DNM3: variants seen among roughly 807,000 people sequenced by gnomAD.
The protein encoded by DNM3 is dynamin-3.
In DNM3, 47 loss-of-function variants were observed where a neutral mutation model predicts 101.6. The ratio of observed to expected loss-of-function variants is 0.46; its 90% CI spans 0.37 to 0.59. The LOEUF is 0.59. Among genes scored for constraint, DNM3 ranks in the 20% least tolerant of loss-of-function variants. DNM3 has a pLI of 0.00. For missense variants in DNM3, 849 were observed against 1,085.7 expected, an observed-to-expected ratio of 0.78 and a Z score of 3.06; for synonymous variants, 385 against 387.9, an observed-to-expected ratio of 0.99 and a Z score of 0.09.
intron 1 of DNM3, among the ~76,000 whole-genome samples, chr1:171,869,011 G>A (rs1204549346): frequency 6.6e-6 from 1 of 152,156 alleles, no homozygotes; most frequent in African/African-American, 2.4e-5. Context: ...TCGACCTCCT[G>A]ACCTCAGGTG....
intron 1 of DNM3, among the ~76,000 whole-genome samples, chr1:171,870,538 G>A (rs2035176509): frequency 6.6e-6 from 1 of 152,068 alleles, no homozygotes; most frequent in Admixed American, 6.6e-5. Flanking sequence ...TCTGTGTTCT[G>A]CAAAACGTTG....
chr1:171,861,748 T>C (rs2034199128), intron 1 of DNM3, among the ~76,000 whole-genome samples: 1 of 152,058 alleles, frequency 6.6e-6, no homozygotes, highest in African/African-American at 2.4e-5. Flanking sequence ...GTGAACAACA[T>C]CAAAATTAAA....
At chr1:171,985,880 G>T (rs1280195491) in intron 2 of DNM3, among the ~76,000 whole-genome samples, 1 of 152,144 alleles carries the variant, frequency 6.6e-6, no homozygotes, top group Non-Finnish European at 1.5e-5. Flanking sequence ...AGGGTGTGAG[G>T]CCCAGGAAGG....
chr1:171,967,170 G>A (rs1015274311), intron 2 of DNM3, among the ~76,000 whole-genome samples: 1 of 152,050 alleles, frequency 6.6e-6, no homozygotes, highest in African/African-American at 2.4e-5. Flanking sequence ...TAAAAAATCA[G>A]TTCTGAGTCA....
intron 20 of DNM3, among the ~76,000 whole-genome samples, chr1:172,390,445 C>CATCAGTACTG (rs1250204338): frequency 1.3e-5 from 2 of 152,172 alleles, no homozygotes; most frequent in African/African-American, 4.8e-5. Context: ...TTTTCAGCCT[C>CATCAGTACTG]ATCAGTACTG....
chr1:171,864,905 G>A (rs1450245523), intron 1 of DNM3, among the ~76,000 whole-genome samples: 2 of 151,478 alleles, frequency 1.3e-5, no homozygotes, highest in East Asian at 1.9e-4. Flanking sequence ...AATTTAGAAT[G>A]AGAATCTTTT....
At chr1:171,892,014 T>A (rs186159861) in intron 1 of DNM3, among the ~76,000 whole-genome samples, 1 of 152,342 alleles carries the variant, frequency 6.6e-6, no homozygotes, top group African/African-American at 2.4e-5. Context: ...ATTTGTTTAT[T>A]TATTCAATAA....
chr1:171,889,058 T>C (rs1291378045), intron 1 of DNM3, among the ~76,000 whole-genome samples: 1 of 152,188 alleles, frequency 6.6e-6, no homozygotes, highest in Admixed American at 6.5e-5. Flanking sequence ...CGGCACACTG[T>C]AGCCTCAACC....
intron 15 of DNM3, among the ~76,000 whole-genome samples, chr1:172,268,110 A>G (rs968917328): frequency 2.0e-5 from 3 of 152,212 alleles, no homozygotes; most frequent in African/African-American, 7.2e-5. Context: ...TGCTAGAACT[A>G]TTAAGTTCAC....
chr1:172,238,155 C>G (rs2061613102), intron 14 of DNM3, among the ~76,000 whole-genome samples: 1 of 152,160 alleles, frequency 6.6e-6, no homozygotes, highest in Admixed American at 6.6e-5. Context: ...GACAGTTCAG[C>G]AAATCTCTTT....
At chr1:171,972,221 G>GC (rs2044044972) in intron 2 of DNM3, among the ~76,000 whole-genome samples, 1 of 152,212 alleles carries the variant, frequency 6.6e-6, no homozygotes, top group African/African-American at 2.4e-5. Flanking sequence ...GCTGTGGAAG[G>GC]CGTAATACAT....
intron 15 of DNM3, among the ~76,000 whole-genome samples, chr1:172,280,656 A>G (rs1351605998): frequency 1.3e-5 from 2 of 152,316 alleles, no homozygotes; most frequent in South Asian, 2.1e-4. Flanking sequence ...TTTTACATAC[A>G]TTGTTTTATT....
At chr1:172,319,328 G>A (rs1053642347) in intron 16 of DNM3, among the ~76,000 whole-genome samples, 1 of 151,946 alleles carries the variant, frequency 6.6e-6, no homozygotes, top group Non-Finnish European at 1.5e-5. Flanking sequence ...ATAGGCATGG[G>A]CAAGGACTTC....
At chr1:172,373,630 A>AC (rs2068461141) in intron 17 of DNM3, among the ~76,000 whole-genome samples, 1 of 152,112 alleles carries the variant, frequency 6.6e-6, no homozygotes, top group African/African-American at 2.4e-5. Context: ...GCCACTTTAT[A>AC]AAATGTAGAC....
At chr1:171,854,405 G>T (rs990250524) in intron 1 of DNM3, among the ~76,000 whole-genome samples, 2 of 151,738 alleles carry the variant, frequency 1.3e-5, no homozygotes, top group African/African-American at 2.4e-5. Context: ...ACCTGTTTAT[G>T]ATTATTATTA....
intron 1 of DNM3, among the ~76,000 whole-genome samples, chr1:171,898,246 G>A (rs1458207412): frequency 1.3e-5 from 2 of 151,970 alleles, no homozygotes; most frequent in African/African-American, 4.8e-5. Flanking sequence ...TAAGAAATTT[G>A]TTTAAAATTA....
chr1:172,366,847 A>G (rs1386601804), intron 17 of DNM3, among the ~76,000 whole-genome samples: 1 of 151,874 alleles, frequency 6.6e-6, no homozygotes, highest in Non-Finnish European at 1.5e-5. Flanking sequence ...AAAATAAAAA[A>G]GAATTAAGAA....
At chr1:172,047,373 A>G (rs920828502) in intron 9 of DNM3, among the ~76,000 whole-genome samples, 8 of 152,162 alleles carry the variant, frequency 5.3e-5, no homozygotes, top group African/African-American at 1.9e-4. Flanking sequence ...CAAGACTGGA[A>G]CTATAAGTGC....
chr1:172,261,072 G>T (rs2062624638), intron 15 of DNM3, among the ~76,000 whole-genome samples: 1 of 152,088 alleles, frequency 6.6e-6, no homozygotes, highest in African/African-American at 2.4e-5. Flanking sequence ...TCAGCCTCCT[G>T]TGTAGTTAGG....
Sources: gnomAD v4.1 joint callset for allele counts (sites outside exome capture counted in the v4.1 genomes callset) on GRCh38, gnomAD v4.1.1 for gene constraint, MANE v1.5 for transcripts, NCBI Gene and HGNC (gene_info 2026-07-23, HGNC 2026-07-21) for gene names.